The following FNTA variants were observed in gnomAD, a reference collection of about 807,000 sequenced individuals.
FNTA encodes protein farnesyltransferase/geranylgeranyltransferase type-1 subunit alpha.
Under a neutral mutation model 55.2 loss-of-function variants are expected in FNTA, and 27 were observed. That is an observed-to-expected ratio of 0.49 (90% CI 0.36 to 0.67). The LOEUF (loss-of-function observed/expected upper bound fraction) is 0.67, where lower values mean the gene tolerates loss of function less well. Among genes scored for constraint, FNTA ranks in the 30% least tolerant of loss-of-function variants. The pLI, the probability that FNTA is intolerant of heterozygous loss-of-function variation, is 0.00. For missense variants in FNTA, 422 were observed against 464.7 expected, an observed-to-expected ratio of 0.91 and a Z score of 0.85; for synonymous variants, 176 against 170.7, an observed-to-expected ratio of 1.03 and a Z score of -0.24.
At chr8:43,061,664 A>G (rs1466209490) in intron 2 of FNTA, among the ~76,000 whole-genome samples, 2 of 152,212 alleles carry the variant, frequency 1.3e-5, no homozygotes, top group African/African-American at 2.4e-5. Flanking sequence ...CTCAGAAACA[A>G]TGTTGAGTTA....
intron 3 of FNTA, 44 bp downstream of exon 3, chr8:43,064,259 C>T (rs763319983): frequency 4.2e-6 from 5 of 1,187,980 alleles, no homozygotes; most frequent in Non-Finnish European, 6.2e-6. Context: ...AAATGTTTTA[C>T]TTCAAGTGGC....
intron 4 of FNTA, chr8:43,069,962 C>A: frequency 4.8e-6 from 1 of 208,904 alleles, no homozygotes; most frequent in South Asian, 7.8e-5. Flanking sequence ...TATTTAAAAA[C>A]TACCACTGTA....
At chr8:43,067,175 A>G (rs1810680403) in intron 3 of FNTA, among the ~76,000 whole-genome samples, 3 of 152,116 alleles carry the variant, frequency 2.0e-5, no homozygotes, top group African/African-American at 7.2e-5. Context: ...CCAAGACAGG[A>G]TGTCACTTCT....
chr8:43,077,064 A>G, intron 5 of FNTA, 152 bp from the exon 6 acceptor site: 1 of 498,924 alleles, frequency 2.0e-6, no homozygotes, highest in Non-Finnish European at 3.5e-6. Flanking sequence ...ATCCCCCTCT[A>G]TTTCCTTTAC....
At chr8:43,068,716 A>AT (rs1437333859) in intron 3 of FNTA, among the ~76,000 whole-genome samples, 1 of 151,818 alleles carries the variant, frequency 6.6e-6, no homozygotes, top group Non-Finnish European at 1.5e-5. Flanking sequence ...ACCTTTCACT[A>AT]TTTTTTTCTT....
chr8:43,063,455 A>G (rs552654181), intron 2 of FNTA, among the ~76,000 whole-genome samples: 2 of 152,326 alleles, frequency 1.3e-5, no homozygotes, highest in South Asian at 4.1e-4. Flanking sequence ...GTCAAAGAGT[A>G]TGTAAATTTT....
chr8:43,075,914 C>T (rs1350378476), intron 5 of FNTA, among the ~76,000 whole-genome samples: 1 of 151,392 alleles, frequency 6.6e-6, no homozygotes, highest in African/African-American at 2.4e-5. Context: ...GTTTCTGTCG[C>T]CCAGAGTGCA....
intron 2 of FNTA, among the ~76,000 whole-genome samples, chr8:43,062,774 C>T (rs1225666190): frequency 6.6e-6 from 1 of 152,216 alleles, no homozygotes; most frequent in Admixed American, 6.5e-5. Flanking sequence ...TTTCTGTAGA[C>T]ACCAACTAGT....
chr8:43,062,791 A>G (rs550778672), intron 2 of FNTA, among the ~76,000 whole-genome samples: 1 of 152,236 alleles, frequency 6.6e-6, no homozygotes. Context: ...TAGTTGCCCT[A>G]CAATTTAATT....
chr8:43,064,168 G>A lies in FNTA; in HGVS notation c.354G>A (p.Lys118=), dbSNP rs757207042. The change falls in exon 3 of 9, where the codon AAG becomes AAA. Residue 118 remains lysine, a synonymous_variant. Coordinates refer to ENST00000302279, the MANE Select transcript of FNTA (RefSeq NM_002027.3). ...ATGAAAGAAGTGAACGAGCTTTTAA[G>A]CTAACCCGGGATGCTATTGAGTTAA... ...QRDERSERAF[K]LTRDAIELNA... 1 of 1,614,084 alleles carries A rather than the reference G, an allele frequency of 6.2e-7. No homozygotes were observed. Among genetic ancestry groups the A allele is most frequent in the Admixed American group, 1.7e-5 (1 of 60,022 alleles).
At chr8:43,064,840 T>C (rs949232528) in intron 3 of FNTA, among the ~76,000 whole-genome samples, 1 of 151,424 alleles carries the variant, frequency 6.6e-6, no homozygotes, top group African/African-American at 2.4e-5. Context: ...ATATTTTTAC[T>C]TTTATTTTTT....
At chr8:43,077,822 T>G (rs1434191920) in intron 6 of FNTA, 1 of 152,442 alleles carries the variant, frequency 6.6e-6, no homozygotes, top group Non-Finnish European at 1.5e-5. Context: ...AGCGGTAAAG[T>G]CACCCCCAAG....
chr8:43,077,071 T>C, intron 5 of FNTA, 145 bp from the exon 6 acceptor site: 1 of 502,498 alleles, frequency 2.0e-6, no homozygotes. Context: ...TCTATTTCCT[T>C]TACTTGCAGC....
chr8:43,067,118 C>T (rs1398256897), intron 3 of FNTA, among the ~76,000 whole-genome samples: 3 of 152,142 alleles, frequency 2.0e-5, no homozygotes, highest in African/African-American at 7.2e-5. Context: ...CCTTGTAACC[C>T]ATTCTGCTTC....
At chr8:43,075,817 A>G (rs902787213) in intron 5 of FNTA, among the ~76,000 whole-genome samples, 3 of 152,148 alleles carry the variant, frequency 2.0e-5, no homozygotes, top group Admixed American at 1.3e-4. Flanking sequence ...CGCTGTCTCA[A>G]TAAAAATAAT....
chr8:43,056,394 C>T lies in FNTA; in HGVS notation c.48C>T (p.Pro16=), dbSNP rs550872842. The T allele has an allele frequency of 1.3e-6, 2 of 1,505,102 alleles. No homozygotes were observed. Among genetic ancestry groups the T allele is most frequent in the South Asian group, 2.5e-5 (2 of 79,512 alleles). 93.2% of individuals were successfully genotyped at this position (1,505,102 alleles called of 1,614,324 possible). ...GVGEAAQGGE[P]GQPAQPPPQP... ...GGGAGGCTGCGCAAGGGGGCGAGCC[C>T]GGGCAGCCGGCGCAACCCCCGCCCC... The change falls in exon 1 of 9, where the codon CCC becomes CCT. Residue 16 remains proline (P), a synonymous_variant. Coordinates refer to ENST00000302279, the MANE Select transcript of FNTA (RefSeq NM_002027.3).
At chr8:43,059,302 A>C (rs910111878) in intron 2 of FNTA, 125 bp downstream of exon 2, 1 of 648,062 alleles carries the variant, frequency 1.5e-6, no homozygotes, top group Non-Finnish European at 2.6e-6. Context: ...ACTTAAGATG[A>C]GTTAATTTTG....
At chr8:43,058,865 T>G in intron 1 of FNTA, 1 of 392,670 alleles carries the variant, frequency 2.5e-6, no homozygotes, top group Non-Finnish European at 4.5e-6. Flanking sequence ...AACTGTTGAT[T>G]AGCTTTTCAG....
chr8:43,080,643 A>G (rs1811004048), intron 6 of FNTA: 1 of 152,206 alleles, frequency 6.6e-6, no homozygotes, highest in Non-Finnish European at 1.5e-5. Context: ...TGGCTATTTA[A>G]GTTTCAATCG....
Sources: gnomAD v4.1 joint callset for allele counts (sites outside exome capture counted in the v4.1 genomes callset) on GRCh38, gnomAD v4.1.1 for gene constraint, MANE v1.5 for transcripts, NCBI Gene and HGNC (gene_info 2026-07-23, HGNC 2026-07-21) for gene names.